Variants in C3orf70 observed in about 807,000 individuals in gnomAD.
C3orf70 encodes UPF0524 protein C3orf70.
C3orf70 carries 15 observed loss-of-function variants against 20.7 expected under a neutral mutation model. That is an observed-to-expected ratio of 0.72 (90% CI 0.48 to 1.11). C3orf70 has a LOEUF of 1.11. Among genes scored for constraint, C3orf70 ranks in the 50% most tolerant of loss-of-function variants. The pLI is 0.00. For missense variants in C3orf70, 332 were observed against 317.6 expected, an observed-to-expected ratio of 1.05 and a Z score of -0.34; for synonymous variants, 161 against 125.7, an observed-to-expected ratio of 1.28 and a Z score of -1.88.
chr3:185,127,344 T>G (rs35802071), intron 1 of C3orf70, among the ~76,000 whole-genome samples: 8,934 of 152,306 alleles, frequency 0.059, 377 homozygotes, highest in South Asian at 0.11. Context: ...ATCTCAACTT[T>G]TAAGAAAAAG....
chr3:185,146,542 C>A (rs1285780495), intron 1 of C3orf70, among the ~76,000 whole-genome samples: 1 of 152,126 alleles, frequency 6.6e-6, no homozygotes, highest in Non-Finnish European at 1.5e-5. Context: ...CCCGCCTCAG[C>A]CTCCCAAAGT....
chr3:185,123,739 T>C (rs73190988), intron 1 of C3orf70, among the ~76,000 whole-genome samples: 27,547 of 152,150 alleles, frequency 0.18, 2,924 homozygotes, highest in East Asian at 0.42. Flanking sequence ...TACAAAAATA[T>C]ATATTATTGC....
chr3:185,103,183 T>G (rs1577322719), intron 1 of C3orf70, among the ~76,000 whole-genome samples: 1 of 152,156 alleles, frequency 6.6e-6, no homozygotes, highest in African/African-American at 2.4e-5. Context: ...AGGCGGAGGT[T>G]GCAGTGAACA....
chr3:185,139,787 G>T (rs182782813), intron 1 of C3orf70, among the ~76,000 whole-genome samples: 2 of 152,248 alleles, frequency 1.3e-5, no homozygotes, highest in Admixed American at 1.3e-4. Flanking sequence ...AGGCAAAGAA[G>T]TGAATTGTGA....
At chr3:185,110,403 G>T (rs574155396) in intron 1 of C3orf70, among the ~76,000 whole-genome samples, 65 of 152,340 alleles carry the variant, frequency 4.3e-4, no homozygotes, top group African/African-American at 1.5e-3. Flanking sequence ...TTTCAATGAC[G>T]ATTGTGCTTT....
At position 185,083,017 on chromosome 3, in the gene C3orf70, G is replaced by T; in HGVS notation, c.743C>A (p.Thr248Lys). The part of the protein sequence containing the change: ...SDLEVIETIE[T>K]TV ...TTCCTGTCTGGACTCTCACACAGTC[G>T]TTTCTATCGTTTCAATCACTTCCAG... Residue 248 changes from threonine (T) to lysine (K), a missense_variant, in exon 2 of 2, where the codon ACG becomes AAG. Transcript: ENST00000335012. 2 of 1,613,446 alleles carry T rather than the reference G, an allele frequency of 1.2e-6. No homozygotes were observed. The highest frequency in any genetic ancestry group is 4.5e-5 in the East Asian group (2 of 44,872).
intron 1 of C3orf70, among the ~76,000 whole-genome samples, chr3:185,104,651 A>G (rs960008191): frequency 6.6e-6 from 1 of 151,234 alleles, no homozygotes; most frequent in Non-Finnish European, 1.5e-5. Flanking sequence ...AGCCATAAAA[A>G]AGAATGAGAT....
At chr3:185,086,027 G>A (rs563959952) in intron 1 of C3orf70, among the ~76,000 whole-genome samples, 10 of 152,328 alleles carry the variant, frequency 6.6e-5, no homozygotes, top group Admixed American at 2.0e-4. Flanking sequence ...CCTGCCCTAA[G>A]TAACCTGTGG....
chr3:185,101,350 G>C (rs1370572032), intron 1 of C3orf70, among the ~76,000 whole-genome samples: 4 of 152,138 alleles, frequency 2.6e-5, no homozygotes, highest in Non-Finnish European at 5.9e-5. Flanking sequence ...AGTAGGCTTT[G>C]TCCCTGGAAT....
chr3:185,133,079 T>A (rs987053245), intron 1 of C3orf70, among the ~76,000 whole-genome samples: 1 of 152,198 alleles, frequency 6.6e-6, no homozygotes, highest in Admixed American at 6.5e-5. Flanking sequence ...TATGCTCAAC[T>A]TCATTCATAA....
At chr3:185,136,732 A>C (rs1716631020) in intron 1 of C3orf70, among the ~76,000 whole-genome samples, 1 of 146,998 alleles carries the variant, frequency 6.8e-6, no homozygotes, top group African/African-American at 2.5e-5. Context: ...CTCAAAAACA[A>C]AACAAAACAA....
intron 1 of C3orf70, among the ~76,000 whole-genome samples, chr3:185,113,990 G>A (rs1400801484): frequency 5.9e-5 from 9 of 152,058 alleles, no homozygotes; most frequent in East Asian, 1.9e-4. Flanking sequence ...ACCTGAGGTC[G>A]GGAGTTTCAG....
rs1715276789 is a variant in C3orf70 at position 185,079,287 on chromosome 3, A to AAAAAAAAAATAAAAT, written c.*3719_*3720insATTTTATTTTTTTTT. 1.3e-5 allele frequency: 2 copies of AAAAAAAAAATAAAAT among 149,956 alleles called. No homozygotes were observed. The highest frequency in any genetic ancestry group is 4.9e-5 in the African/African-American group (2 of 40,904). The allele number at this position is 149,956 out of a possible 1,614,324, so 9.3% of individuals were successfully genotyped here. A position where few individuals can be genotyped will look rare whatever the true frequency, so the allele number is the denominator to read the frequency against. ...AGGAGCGAGACTCTGTCTCAAAAAA[A>AAAAAAAAAATAAAAT]AAAAAAAAAAAAAAAAAGTAAAGCC... is the stretch of plus-strand genomic sequence containing the variant. On this transcript the variant is annotated 3_prime_UTR_variant, in exon 2 of 2. Coordinates refer to ENST00000335012, the MANE Select transcript of C3orf70 (RefSeq NM_001025266.3).
At chr3:185,140,247 T>C (rs1311835117) in intron 1 of C3orf70, among the ~76,000 whole-genome samples, 2 of 152,348 alleles carry the variant, frequency 1.3e-5, no homozygotes, top group South Asian at 2.1e-4. Context: ...TGCAGTTTTT[T>C]GGCATATAAA....
intron 1 of C3orf70, 72 bp from the exon 2 acceptor site, chr3:185,083,635 G>C (rs1013241326): frequency 3.3e-5 from 43 of 1,318,586 alleles, no homozygotes; most frequent in Non-Finnish European, 4.3e-5. Context: ...AATGGTTTCT[G>C]AGGACTCAAT....
chr3:185,150,530 T>C (rs373878722), intron 1 of C3orf70, among the ~76,000 whole-genome samples: 3 of 152,262 alleles, frequency 2.0e-5, no homozygotes, highest in Admixed American at 6.5e-5. Flanking sequence ...CAGTGGCTTG[T>C]CACATATGTT....
intron 1 of C3orf70, among the ~76,000 whole-genome samples, chr3:185,102,097 G>T (rs776717755): frequency 6.6e-6 from 1 of 152,034 alleles, no homozygotes; most frequent in South Asian, 2.1e-4. Flanking sequence ...AGAATGAAAG[G>T]GCATCCATAC....
At chr3:185,115,519 A>G (rs1716156700) in intron 1 of C3orf70, among the ~76,000 whole-genome samples, 1 of 152,128 alleles carries the variant, frequency 6.6e-6, no homozygotes, top group South Asian at 2.1e-4. Flanking sequence ...TTTCCTCCCT[A>G]TGGTCAAGGA....
At chr3:185,091,373 G>T (rs562308742) in intron 1 of C3orf70, among the ~76,000 whole-genome samples, 83 of 152,280 alleles carry the variant, frequency 5.5e-4, no homozygotes, top group Middle Eastern at 3.4e-3. Context: ...GATGGGGCTT[G>T]GAATGCTAAG....
Sources: gnomAD v4.1 joint callset for allele counts (sites outside exome capture counted in the v4.1 genomes callset) on GRCh38, gnomAD v4.1.1 for gene constraint, MANE v1.5 for transcripts, NCBI Gene and HGNC (gene_info 2026-07-23, HGNC 2026-07-21) for gene names.